The following LINGO2 variants were observed in gnomAD, a reference collection of about 807,000 sequenced individuals.
LINGO2 encodes leucine-rich repeat and immunoglobulin-like domain-containing nogo receptor-interacting protein 2.
LINGO2 carries 14 observed loss-of-function variants against 30.6 expected under a neutral mutation model. The observed-to-expected ratio is 0.46, with a 90% CI of 0.30 to 0.72. The LOEUF (loss-of-function observed/expected upper bound fraction) is 0.72. Among genes scored for constraint, LINGO2 ranks in the 30% least tolerant of loss-of-function variants. The pLI, the probability that LINGO2 is intolerant of heterozygous loss-of-function variation, is 0.07. For synonymous variants in LINGO2, 317 were observed against 288.5 expected (o/e 1.10, Z -1.00); for missense variants, 729 against 751.7 (o/e 0.97, Z 0.35).
chr9:28,884,469 T>C, the LINGO2 span, among the ~76,000 whole-genome samples: 9 of 152,040 alleles, frequency 5.9e-5, no homozygotes, highest in African/African-American at 2.2e-4. Flanking sequence ...GAATATAATT[T>C]TGTTAGAATT....
chr9:28,091,986 G>A (rs1477760223), intron 4 of LINGO2, among the ~76,000 whole-genome samples: 1 of 151,924 alleles, frequency 6.6e-6, no homozygotes, highest in Non-Finnish European at 1.5e-5. Flanking sequence ...CAAATCAAAG[G>A]CACAATGAGA....
the LINGO2 span, among the ~76,000 whole-genome samples, chr9:29,153,206 G>A: frequency 6.6e-6 from 1 of 151,838 alleles, no homozygotes; most frequent in Non-Finnish European, 1.5e-5. Flanking sequence ...TTTATTTTTA[G>A]CTTACTTTTA....
intron 2 of LINGO2, among the ~76,000 whole-genome samples, chr9:28,433,949 C>CTCTCTA (rs1225323260): frequency 2.3e-5 from 2 of 88,476 alleles, no homozygotes; most frequent in African/African-American, 4.5e-5. Flanking sequence ...CTCTCTCTCT[C>CTCTCTA]TATATATATA....
At chr9:29,197,779 T>C in the LINGO2 span, among the ~76,000 whole-genome samples, 54,523 of 151,938 alleles carry the variant, frequency 0.36, 11,690 homozygotes, top group Admixed American at 0.5. Context: ...AAAAGATTGA[T>C]TCACTGTTTA....
At chr9:28,767,219 C>T in the LINGO2 span, among the ~76,000 whole-genome samples, 4 of 151,874 alleles carry the variant, frequency 2.6e-5, no homozygotes, top group African/African-American at 7.3e-5. Flanking sequence ...TGAAAACTTG[C>T]TAAGGTAATA....
the LINGO2 span, among the ~76,000 whole-genome samples, chr9:29,093,675 T>C: frequency 7.3e-6 from 1 of 136,498 alleles, no homozygotes; most frequent in Non-Finnish European, 1.6e-5. Flanking sequence ...ATAGAAACTG[T>C]AGTTGTTTTG....
chr9:28,234,694 G>A (rs187296240), intron 4 of LINGO2, among the ~76,000 whole-genome samples: 5 of 152,230 alleles, frequency 3.3e-5, no homozygotes, highest in East Asian at 1.9e-4. Flanking sequence ...TTGGACTTAC[G>A]CCAGTGGTTT....
intron 4 of LINGO2, among the ~76,000 whole-genome samples, chr9:28,023,689 T>G (rs563954459): frequency 6.6e-6 from 1 of 152,314 alleles, no homozygotes; most frequent in East Asian, 1.9e-4. Context: ...GATTTGTCAT[T>G]TGTTAAGAAG....
intron 3 of LINGO2, among the ~76,000 whole-genome samples, chr9:28,314,942 G>T (rs867083012): frequency 2.0e-5 from 3 of 151,072 alleles, no homozygotes; most frequent in East Asian, 2.0e-4. Context: ...CCGAGATGGC[G>T]GAGTTCGCAG....
At chr9:29,115,293 ATATT>A in the LINGO2 span, among the ~76,000 whole-genome samples, 7 of 152,080 alleles carry the variant, frequency 4.6e-5, no homozygotes, top group East Asian at 9.6e-4. Flanking sequence ...TTTTTTCTAA[ATATT>A]TATTTAGACT....
chr9:28,334,969 G>C (rs1474218270), intron 3 of LINGO2, among the ~76,000 whole-genome samples: 1 of 152,180 alleles, frequency 6.6e-6, no homozygotes, highest in Non-Finnish European at 1.5e-5. Context: ...TGCTAGGCCA[G>C]TGAGATAGAG....
At chr9:29,006,595 TTAAGG>T in the LINGO2 span, among the ~76,000 whole-genome samples, 1 of 152,120 alleles carries the variant, frequency 6.6e-6, no homozygotes, top group African/African-American at 2.4e-5. Context: ...TTCCGAACTA[TTAAGG>T]AACACTTTAC....
the LINGO2 span, among the ~76,000 whole-genome samples, chr9:28,799,912 A>G: frequency 1.3e-5 from 2 of 152,140 alleles, no homozygotes; most frequent in Non-Finnish European, 2.9e-5. Context: ...CTGAAATTAT[A>G]GTGTAAGCTG....
intron 4 of LINGO2, among the ~76,000 whole-genome samples, chr9:28,019,606 T>G (rs1401292382): frequency 1.3e-5 from 2 of 152,138 alleles, no homozygotes; most frequent in African/African-American, 4.8e-5. Context: ...GCATCAGAAT[T>G]GAGCAGGGCT....
chr9:28,697,099 T>C, the LINGO2 span, among the ~76,000 whole-genome samples: 1 of 151,956 alleles, frequency 6.6e-6, no homozygotes, highest in South Asian at 2.1e-4. Flanking sequence ...ATGAACAGTA[T>C]GTTATTTTTG....
At chr9:28,272,545 C>A (rs984135747) in intron 4 of LINGO2, among the ~76,000 whole-genome samples, 1 of 151,966 alleles carries the variant, frequency 6.6e-6, no homozygotes, top group Non-Finnish European at 1.5e-5. Context: ...CCTGAAATTA[C>A]TTTGTTAACT....
At chr9:28,110,949 C>A (rs1481556976) in intron 4 of LINGO2, among the ~76,000 whole-genome samples, 1 of 152,060 alleles carries the variant, frequency 6.6e-6, no homozygotes, top group African/African-American at 2.4e-5. Flanking sequence ...ATGCTTATTG[C>A]AGCACTATTT....
At chr9:28,537,324 T>C (rs1345279838) in intron 1 of LINGO2, among the ~76,000 whole-genome samples, 1 of 152,106 alleles carries the variant, frequency 6.6e-6, no homozygotes, top group Admixed American at 6.6e-5. Context: ...ACAGTCTCCT[T>C]CAAAATATAC....
intron 3 of LINGO2, among the ~76,000 whole-genome samples, chr9:28,362,233 C>T (rs1315011635): frequency 1.3e-5 from 2 of 148,856 alleles, no homozygotes; most frequent in African/African-American, 5.0e-5. Context: ...TGTGTGTGCG[C>T]ATGCGCATGT....
Sources: gnomAD v4.1 joint callset for allele counts (sites outside exome capture counted in the v4.1 genomes callset) on GRCh38, gnomAD v4.1.1 for gene constraint, MANE v1.5 for transcripts, NCBI Gene and HGNC (gene_info 2026-07-23, HGNC 2026-07-21) for gene names.